Variants in ZNF207 observed in about 807,000 individuals in gnomAD.
ZNF207 encodes zinc finger protein 207.
ZNF207 carries 24 observed loss-of-function variants against 60.2 expected under a neutral mutation model. The observed-to-expected ratio is 0.40, with a 90% CI of 0.29 to 0.56. The LOEUF (loss-of-function observed/expected upper bound fraction) is 0.56, where lower values mean the gene tolerates loss of function less well. ZNF207 is among the 20% of genes least tolerant of loss of function. ZNF207 has a pLI of 0.49. For missense variants in ZNF207, 452 were observed against 636.6 expected, an observed-to-expected ratio of 0.71 and a Z score of 3.12; for synonymous variants, 236 against 194.7, an observed-to-expected ratio of 1.21 and a Z score of -1.77.
chr17:32,375,530 G>A lies in ZNF207; in HGVS notation c.*5771G>A, dbSNP rs974690472. Reference sequence around the variant, plus strand: ...ATAGTTCCTTTTTTTTTGTAGTTCTGTGACTCAGACAAATAAGATTTTGAG... The same window carrying A: ...ATAGTTCCTTTTTTTTTGTAGTTCTATGACTCAGACAAATAAGATTTTGAG... On this transcript the variant is annotated 3_prime_UTR_variant, in exon 12 of 12. Coordinates refer to ENST00000394670, the MANE Select transcript of ZNF207 (RefSeq NM_001098507.2). 1 of 151,798 alleles carries A rather than the reference G, an allele frequency of 6.6e-6. No individual in the cohort carries two copies. Among genetic ancestry groups the A allele is most frequent in the African/African-American group, 2.4e-5 (1 of 41,358 alleles). 9.4% of individuals were successfully genotyped at this position (151,798 alleles called of 1,614,324 possible).
chr17:32,360,761 T>G lies in ZNF207; in HGVS notation c.471T>G (p.Pro157=). Residue 157 remains proline, a synonymous_variant, in exon 4 of 12, where the codon CCT becomes CCG. Transcript: ENST00000394670. ...LPPVPGAPGM[P]PGIPPLMPGV... is the part of the protein sequence containing the mutation. ...CAGTACCAGGAGCACCAGGAATGCCTCCAGGTAGCACATAGGATTGCTTAA... is the reference window on the plus strand; with the variant it reads ...CAGTACCAGGAGCACCAGGAATGCCGCCAGGTAGCACATAGGATTGCTTAA... 6.2e-7 allele frequency: 1 copy of G among 1,613,956 alleles called. No homozygotes were observed. Among genetic ancestry groups the G allele is most frequent in the Non-Finnish European group, 8.5e-7 (1 of 1,179,928 alleles).
chr17:32,360,960 C>A lies in ZNF207; in HGVS notation c.544C>A (p.Pro182Thr). The change falls in exon 5 of 12, where the codon CCA becomes ACA. Residue 182 changes from proline (P) to threonine (T), a missense_variant. Physicochemically the swap from Pro to Thr is conservative, Grantham distance 38. Around this residue, in one of 2 missense-constraint regions of ZNF207, gnomAD observed 390 missense variants for 461.4 expected, o/e 0.85. Coordinates refer to ENST00000394670, the MANE Select transcript of ZNF207 (RefSeq NM_001098507.2). ...PGMPPVMPGMPPGLHHQRKYT... is the reference protein window; with the variant it reads ...PGMPPVMPGMTPGLHHQRKYT... Reference sequence around the variant, plus strand: ...AATGCCACCAGTTATGCCAGGCATGCCACCTGGGTAAGAAAATTCTTTTAA... The same window carrying A: ...AATGCCACCAGTTATGCCAGGCATGACACCTGGGTAAGAAAATTCTTTTAA... 6.2e-7 allele frequency: 1 copy of A among 1,613,106 alleles called. No homozygotes were observed.
chr17:32,365,326 G>A lies in ZNF207; in HGVS notation c.671-4G>A. ...CAATTTCCCCAAACATTTCTTCTCT[G>A]CAGGTATGCCCCCACCTGTTCCACG... On this transcript the variant is annotated splice_region_variant and splice_polypyrimidine_tract_variant and intron_variant, in intron 7 of 11. Transcript: ENST00000394670. 1 of 1,605,782 alleles carries A rather than the reference G, an allele frequency of 6.2e-7. No homozygotes were observed. The highest frequency in any genetic ancestry group is 1.1e-5 in the South Asian group (1 of 90,050).
rs536502166 is a variant in ZNF207 at position 32,353,811 on chromosome 17, C to CAAA, written c.168+1922_168+1924dup. On this transcript the variant is annotated intron_variant, in intron 2 of 11. Transcript: ENST00000394670. Reference sequence around the variant, plus strand: ...GCCTGGGTGACAGAGACTCTGTCTCCAAAAAAAAAAAAAAAAAAAAAAAAA... The same window carrying CAAA: ...GCCTGGGTGACAGAGACTCTGTCTCCAAAAAAAAAAAAAAAAAAAAAAAAAAAA... Among the ~76,000 whole-genome samples the CAAA allele has an allele frequency of 1.9e-3, 207 of 110,450 alleles. 5 individuals are homozygous for CAAA. The highest frequency in any genetic ancestry group is 6.2e-3 in the African/African-American group (157 of 25,468). 72.5% of individuals were successfully genotyped at this position (110,450 alleles called of 152,430 possible). A position where few individuals can be genotyped will look rare whatever the true frequency, so the allele number is the denominator to read the frequency against.
Position 32,373,263 on chromosome 17 carries a change from G to A in ZNF207, c.*3504G>A. On this transcript the variant is annotated 3_prime_UTR_variant, in exon 12 of 12. Coordinates refer to ENST00000394670, the MANE Select transcript of ZNF207 (RefSeq NM_001098507.2). Reference sequence around the variant, plus strand: ...TACGGGCTCAGAGTGGAATTGTAGTGGACAATAGTTAAAAACAAAGCTGCT... The same window carrying A: ...TACGGGCTCAGAGTGGAATTGTAGTAGACAATAGTTAAAAACAAAGCTGCT... 1.9e-6 allele frequency: 1 copy of A among 520,532 alleles called. No homozygotes were observed. Among genetic ancestry groups the A allele is most frequent in the Non-Finnish European group, 3.4e-6 (1 of 291,732 alleles). 32.2% of individuals were successfully genotyped at this position (520,532 alleles called of 1,614,324 possible).
chr17:32,355,293 G>A (rs1904442131), intron 2 of ZNF207, among the ~76,000 whole-genome samples: 3 of 152,210 alleles, frequency 2.0e-5, no homozygotes. Context: ...GGAGGCTGAG[G>A]CAGGAGGATC....
intron 1 of ZNF207, 108 bp downstream of exon 1, chr17:32,350,434 C>G: frequency 6.9e-7 from 1 of 1,451,180 alleles, no homozygotes; most frequent in Admixed American, 1.7e-5. Flanking sequence ...TGTATTTAGG[C>G]GTCTGCGTGG....
chr17:32,354,835 TGA>T (rs1904412474), intron 2 of ZNF207, among the ~76,000 whole-genome samples: 1 of 151,766 alleles, frequency 6.6e-6, no homozygotes, highest in Admixed American at 6.6e-5. Flanking sequence ...AGGCTGGTCT[TGA>T]ACTCCTGACC....
Position 32,371,749 on chromosome 17 carries a change from C to T in ZNF207, c.*1990C>T, listed in dbSNP as rs1045246023. Reference sequence around the variant, plus strand: ...TCTGTCAAAAAATAAATTAAAATATCTGATTATCTGGCTTCAATGATTTTG... The same window carrying T: ...TCTGTCAAAAAATAAATTAAAATATTTGATTATCTGGCTTCAATGATTTTG... On this transcript the variant is annotated 3_prime_UTR_variant, in exon 12 of 12. Transcript: ENST00000394670. 1 of 152,168 alleles carries T rather than the reference C, an allele frequency of 6.6e-6. No individual in the cohort carries two copies. The highest frequency in any genetic ancestry group is 2.4e-5 in the African/African-American group (1 of 41,456). The allele number at this position is 152,168 out of a possible 1,614,324, so 9.4% of individuals were successfully genotyped here.
intron 10 of ZNF207, 199 bp downstream of exon 10, chr17:32,368,213 A>G (rs1173628588): frequency 4.1e-6 from 3 of 723,186 alleles, no homozygotes; most frequent in East Asian, 5.7e-5. Flanking sequence ...TTGGTCTTAG[A>G]TGGTTTCTCT....
intron 10 of ZNF207, 192 bp downstream of exon 10, chr17:32,368,206 GT>G (rs1905288677): frequency 3.9e-6 from 3 of 773,754 alleles, no homozygotes; most frequent in Non-Finnish European, 5.9e-6. Flanking sequence ...GCATGTTTTG[GT>G]CTTAGATGGT....
At chr17:32,357,133 G>C (rs2043862183) in intron 2 of ZNF207, among the ~76,000 whole-genome samples, 1 of 150,882 alleles carries the variant, frequency 6.6e-6, no homozygotes, top group South Asian at 2.1e-4. Context: ...AGTGAACTGA[G>C]ATAATGGCAC....
At chr17:32,360,206 C>T (rs1216682615) in intron 3 of ZNF207, among the ~76,000 whole-genome samples, 2 of 122,734 alleles carry the variant, frequency 1.6e-5, no homozygotes, top group Non-Finnish European at 3.4e-5. Context: ...AAAAAAAAGC[C>T]CAGTGTGGTG....
At chr17:32,361,887 T>C (rs1904901042) in intron 6 of ZNF207, among the ~76,000 whole-genome samples, 1 of 152,182 alleles carries the variant, frequency 6.6e-6, no homozygotes, top group Non-Finnish European at 1.5e-5. Flanking sequence ...ATAAAAATTT[T>C]AAATCAAGAA....
At chr17:32,352,088 C>G (rs184975721) in intron 2 of ZNF207, among the ~76,000 whole-genome samples, 176 bp downstream of exon 2, 8 of 152,176 alleles carry the variant, frequency 5.3e-5, no homozygotes, top group African/African-American at 1.9e-4. Context: ...CTGCCTCAGC[C>G]TCCGGAGTAG....
intron 10 of ZNF207, 75 bp downstream of exon 10, chr17:32,368,089 T>G: frequency 6.4e-7 from 1 of 1,573,626 alleles, no homozygotes; most frequent in Non-Finnish European, 8.6e-7. Context: ...TTAAAATAAG[T>G]GTTCATTTGT....
chr17:32,353,811 CAAAAA>C lies in ZNF207; in HGVS notation c.168+1920_168+1924del, dbSNP rs536502166. Among the ~76,000 whole-genome samples, 5 of 110,530 alleles carry C rather than the reference CAAAAA, an allele frequency of 4.5e-5. No individual in the cohort carries two copies. In the East Asian group the frequency reaches 1.3e-3, roughly 29 times the overall value. The allele number at this position is 110,530 out of a possible 152,430, so 72.5% of individuals were successfully genotyped here. On this transcript the variant is annotated intron_variant, in intron 2 of 11. Coordinates refer to ENST00000394670, the MANE Select transcript of ZNF207 (RefSeq NM_001098507.2). ...GCCTGGGTGACAGAGACTCTGTCTC[CAAAAA>C]AAAAAAAAAAAAAAAAAAAATTGTT...
chr17:32,361,041 A>C (rs1904853516), intron 5 of ZNF207, 74 bp downstream of exon 5: 2 of 1,484,580 alleles, frequency 1.3e-6, no homozygotes, highest in African/African-American at 2.8e-5. Flanking sequence ...TGTTATATGA[A>C]TGAAATGTTA....
chr17:32,360,888 G>A lies in ZNF207; in HGVS notation c.476-4G>A, dbSNP rs374874426. On this transcript the variant is annotated splice_polypyrimidine_tract_variant and splice_region_variant and intron_variant, in intron 4 of 11. Transcript: ENST00000394670. ...ATTATTTTGATTGAAATTCTTGCTT[G>A]TAGGCATACCTCCATTAATGCCAGG... is the stretch of plus-strand genomic sequence containing the variant. The A allele has an allele frequency of 2.5e-6, 4 of 1,613,920 alleles. No homozygotes were observed. Among genetic ancestry groups the A allele is most frequent in the Non-Finnish European group, 3.4e-6 (4 of 1,179,990 alleles).
Sources: allele counts gnomAD v4.1 joint callset (sites outside exome capture counted in the v4.1 genomes callset), GRCh38; gene constraint gnomAD v4.1.1; regional missense constraint gnomAD v4.1.1; transcripts MANE v1.5; gene names NCBI Gene and HGNC (gene_info 2026-07-23, HGNC 2026-07-21).